Variants in CLIC5 observed in about 807,000 individuals in gnomAD.
CLIC5 encodes chloride intracellular channel protein 5.
In CLIC5, 20 loss-of-function variants were observed where a neutral mutation model predicts 24.7. That is an observed-to-expected ratio of 0.81 (90% confidence interval 0.57 to 1.18). CLIC5 has a LOEUF of 1.18. CLIC5 is among the 50% of genes most tolerant of loss of function. The probability of loss-of-function intolerance (pLI) is 0.00; values close to 1 mark genes in which losing one functional copy is unlikely to be tolerated. For missense variants in CLIC5, 341 were observed against 326.1 expected, an observed-to-expected ratio of 1.05 and a Z score of -0.35; for synonymous variants, 159 against 135.6, an observed-to-expected ratio of 1.17 and a Z score of -1.20.
At chr6:46,015,257 C>G (rs776587808) in intron 1 of CLIC5, among the ~76,000 whole-genome samples, 1 of 152,110 alleles carries the variant, frequency 6.6e-6, no homozygotes, top group Non-Finnish European at 1.5e-5. Flanking sequence ...GGACAAACTG[C>G]GGATCAACTC....
chr6:46,028,641 A>G (rs1055810114), intron 1 of CLIC5, among the ~76,000 whole-genome samples: 4 of 151,968 alleles, frequency 2.6e-5, no homozygotes, highest in African/African-American at 4.8e-5. Flanking sequence ...CTCTCTCTCT[A>G]TTAGACTTTG....
chr6:46,032,464 A>G (rs1174187338), intron 1 of CLIC5, among the ~76,000 whole-genome samples: 2 of 152,184 alleles, frequency 1.3e-5, no homozygotes, highest in Admixed American at 1.3e-4. Flanking sequence ...ATGCATTTTT[A>G]TATCATCTGA....
intron 1 of CLIC5, among the ~76,000 whole-genome samples, chr6:46,050,847 G>A (rs1403229287): frequency 8.9e-6 from 1 of 112,234 alleles, no homozygotes; most frequent in Non-Finnish European, 1.7e-5. Context: ...TATAAAGTGT[G>A]TGTGTATGTG....
chr6:45,915,600 G>A (rs116740961), intron 4 of CLIC5, among the ~76,000 whole-genome samples: 3 of 152,166 alleles, frequency 2.0e-5, no homozygotes, highest in Non-Finnish European at 4.4e-5. Flanking sequence ...ACCCCCAGCT[G>A]CACAGAAAGC....
At chr6:45,969,794 A>T (rs1488394882) in intron 1 of CLIC5, among the ~76,000 whole-genome samples, 4 of 135,378 alleles carry the variant, frequency 3.0e-5, no homozygotes. Context: ...ATTCACATCA[A>T]GGTTTTTTTT....
At chr6:45,948,661 C>A (rs1434091354) in intron 3 of CLIC5, among the ~76,000 whole-genome samples, 1 of 152,142 alleles carries the variant, frequency 6.6e-6, no homozygotes, top group Non-Finnish European at 1.5e-5. Context: ...CTTTTTACTG[C>A]TCTTTTCCAT....
chr6:45,903,089 C>T lies in CLIC5; in HGVS notation c.755G>A (p.Ter252=). 1.2e-6 allele frequency: 2 copies of T among 1,614,054 alleles called. No homozygotes were observed. Among genetic ancestry groups the T allele is most frequent in the Non-Finnish European group, 1.7e-6 (2 of 1,179,984 alleles). The change falls in exon 6 of 6, where the codon TGA becomes TAA. Residue 252 remains the stop codon, a stop_retained_variant. Transcript: ENST00000339561. ...GGGGATGGGGCAAAATGGCTGTGCT[C>T]AGGATCGGCTGAGGCGTTTGGCGAC... The part of the protein sequence containing the change: ...ADVAKRLSRS[*]
At chr6:46,002,893 TG>T in intron 1 of CLIC5, among the ~76,000 whole-genome samples, 1 of 152,306 alleles carries the variant, frequency 6.6e-6, no homozygotes, top group East Asian at 1.9e-4. Flanking sequence ...GGCAAAACCT[TG>T]GTCATCTCCC....
At chr6:46,039,158 A>T (rs946043638) in intron 1 of CLIC5, among the ~76,000 whole-genome samples, 1 of 152,166 alleles carries the variant, frequency 6.6e-6, no homozygotes, top group Non-Finnish European at 1.5e-5. Flanking sequence ...TAAAATCTCC[A>T]TAGTATATTC....
intron 2 of CLIC5, among the ~76,000 whole-genome samples, chr6:45,950,377 A>T (rs1266364317): frequency 1.3e-5 from 2 of 151,488 alleles, no homozygotes; most frequent in Non-Finnish European, 2.9e-5. Flanking sequence ...CCTGGGCAAC[A>T]TAGCAAGACC....
At chr6:45,958,445 T>TATATACACACACACACACACACACACAC (rs1554151295) in intron 1 of CLIC5, among the ~76,000 whole-genome samples, 2 of 76,466 alleles carry the variant, frequency 2.6e-5, no homozygotes, top group Non-Finnish European at 5.5e-5. Flanking sequence ...TATATATATA[T>TATATACACACACACACACACACACACAC]ATATATATAT....
At chr6:45,970,579 G>T (rs957671669) in intron 1 of CLIC5, among the ~76,000 whole-genome samples, 2 of 152,130 alleles carry the variant, frequency 1.3e-5, no homozygotes, top group Admixed American at 1.3e-4. Flanking sequence ...ACACACAATA[G>T]TCCAGGCCCT....
At chr6:46,088,491 C>G in the CLIC5 span, among the ~76,000 whole-genome samples, 1 of 151,984 alleles carries the variant, frequency 6.6e-6, no homozygotes, top group Non-Finnish European at 1.5e-5. Flanking sequence ...AGATTTCTTT[C>G]TGATTATGAA....
intron 2 of CLIC5, among the ~76,000 whole-genome samples, chr6:45,952,772 C>A (rs1323556460): frequency 6.6e-6 from 1 of 152,232 alleles, no homozygotes; most frequent in East Asian, 1.9e-4. Flanking sequence ...AGCACGCGGG[C>A]AGGGGTGGTT....
intron 4 of CLIC5, among the ~76,000 whole-genome samples, chr6:45,915,004 A>C (rs1762971781): frequency 1.3e-5 from 2 of 151,944 alleles, no homozygotes; most frequent in African/African-American, 2.4e-5. Flanking sequence ...ATCTGGGCTC[A>C]CTGCAACCTC....
chr6:46,009,611 G>A (rs1036602306), intron 1 of CLIC5, among the ~76,000 whole-genome samples: 1 of 152,182 alleles, frequency 6.6e-6, no homozygotes, highest in Non-Finnish European at 1.5e-5. Context: ...CAGAGAGTGA[G>A]AGCCTACGAC....
At chr6:45,924,774 T>C (rs576015774) in intron 4 of CLIC5, among the ~76,000 whole-genome samples, 14 of 152,140 alleles carry the variant, frequency 9.2e-5, no homozygotes, top group Admixed American at 9.2e-4. Flanking sequence ...CATATATATA[T>C]ATATTTTCAG....
intron 4 of CLIC5, chr6:45,914,643 G>T: frequency 1.3e-6 from 1 of 749,082 alleles, no homozygotes; most frequent in Non-Finnish European, 1.7e-6. Context: ...CTTTTGCTTT[G>T]AAAAAAATAC....
chr6:45,914,697 A>C (rs1762954006), intron 4 of CLIC5: 1 of 325,528 alleles, frequency 3.1e-6, no homozygotes, highest in Admixed American at 6.0e-5. Flanking sequence ...TCACACCTGT[A>C]ACCCCAGCAC....
Sources: allele counts gnomAD v4.1 joint callset (sites outside exome capture counted in the v4.1 genomes callset), GRCh38; gene constraint gnomAD v4.1.1; transcripts MANE v1.5; gene names NCBI Gene and HGNC (gene_info 2026-07-23, HGNC 2026-07-21).